The following RELL1 variants were observed in gnomAD, a reference collection of about 807,000 sequenced individuals.
RELL1 encodes RELT-like protein 1.
Under a neutral mutation model 23.0 loss-of-function variants are expected in RELL1, and 10 were observed. The ratio of observed to expected loss-of-function variants is 0.43; its 90% CI spans 0.27 to 0.74. The LOEUF (loss-of-function observed/expected upper bound fraction) is 0.74, where lower values mean the gene tolerates loss of function less well. RELL1 is among the 30% of genes least tolerant of loss of function. The pLI is 0.19. For synonymous variants in RELL1, 146 were observed against 146.8 expected (o/e 0.99, Z 0.04); for missense variants, 315 against 364.4 (o/e 0.86, Z 1.10).
At chr4:37,665,539 C>T (rs1721503224) in intron 1 of RELL1, among the ~76,000 whole-genome samples, 1 of 152,242 alleles carries the variant, frequency 6.6e-6, no homozygotes, top group Non-Finnish European at 1.5e-5. Context: ...CCAAAGGCTA[C>T]TGCCCAATTT....
intron 3 of RELL1, among the ~76,000 whole-genome samples, chr4:37,641,729 A>G (rs1156452318): frequency 1.3e-5 from 2 of 152,114 alleles, no homozygotes; most frequent in Non-Finnish European, 2.9e-5. Flanking sequence ...GGCAAGAAAA[A>G]TGTCTTCTGT....
chr4:37,672,445 T>C (rs1478499441), intron 1 of RELL1, among the ~76,000 whole-genome samples: 2 of 152,202 alleles, frequency 1.3e-5, no homozygotes, highest in Non-Finnish European at 2.9e-5. Flanking sequence ...TTACACCACA[T>C]TGACTCAAAG....
chr4:37,622,799 C>CT (rs763432060), intron 6 of RELL1: 29,611 of 385,664 alleles, frequency 0.077, 53 homozygotes, highest in South Asian at 0.12. Context: ...TCAAGTAATG[C>CT]TTTTTTTTTT....
rs1331822295 is a variant in RELL1, at chr4:37,611,259, T to TATTA, written c.*2083_*2086dup. On this transcript the variant is annotated 3_prime_UTR_variant, in exon 7 of 7. Transcript: ENST00000454158. ...AAATGATTAGCCTAGACTGCACATA[T>TATTA]ATTATTTACACTAATACATACCCCT... Among the ~76,000 whole-genome samples, 1 of 152,224 alleles carries TATTA rather than the reference T, an allele frequency of 6.6e-6. No homozygotes were observed. The highest frequency in any genetic ancestry group is 2.4e-5 in the African/African-American group (1 of 41,466).
At chr4:37,659,645 C>A (rs937950072) in intron 1 of RELL1, among the ~76,000 whole-genome samples, 1 of 152,178 alleles carries the variant, frequency 6.6e-6, no homozygotes, top group Non-Finnish European at 1.5e-5. Flanking sequence ...CTCCCTGGGC[C>A]TCAGTTTCCT....
intron 6 of RELL1, among the ~76,000 whole-genome samples, chr4:37,626,864 G>T (rs999533900): frequency 1.3e-5 from 2 of 149,518 alleles, no homozygotes; most frequent in Admixed American, 1.3e-4. Context: ...GAGAAGAAAG[G>T]TGGTTAGAGG....
At chr4:37,588,036 C>T (rs185986665), downstream of RELL1, 1 of 152,272 alleles carries the variant, frequency 6.6e-6, no homozygotes, top group East Asian at 1.9e-4. Flanking sequence ...AGAGATGCTT[C>T]CATACTCATT....
rs1388478968 is a variant in RELL1, at chr4:37,662,424, A to C, written c.89-12924T>G. On this transcript the variant is annotated intron_variant, in intron 1 of 6. Coordinates refer to ENST00000454158, the MANE Select transcript of RELL1 (RefSeq NM_001085400.2). Reference sequence around the variant, plus strand: ...CAGAAAGAAAAAGGACTTTATGCTGAGCCTCAACAGAATAACTGAATTTGG... The same window carrying C: ...CAGAAAGAAAAAGGACTTTATGCTGCGCCTCAACAGAATAACTGAATTTGG... Among the ~76,000 whole-genome samples the C allele has an allele frequency of 1.3e-5, 2 of 152,136 alleles. 1 individual carries two copies. Among genetic ancestry groups the C allele is most frequent in the Non-Finnish European group, 2.9e-5 (2 of 68,016 alleles).
At chr4:37,622,799 C>CGTT in intron 6 of RELL1, 2 of 391,420 alleles carry the variant, frequency 5.1e-6, no homozygotes, top group Non-Finnish European at 9.9e-6. Context: ...TCAAGTAATG[C>CGTT]TTTTTTTTTT....
downstream of RELL1, chr4:37,588,465 T>C (rs2109460099): frequency 6.0e-6 from 1 of 166,198 alleles, no homozygotes; most frequent in Non-Finnish European, 1.3e-5. Flanking sequence ...CTGCGTGCAG[T>C]GGGCCGTGCC....
chr4:37,622,312 A>G (rs1719795918), intron 6 of RELL1, among the ~76,000 whole-genome samples: 1 of 152,272 alleles, frequency 6.6e-6, no homozygotes, highest in Non-Finnish European at 1.5e-5. Flanking sequence ...TGCACAGCAT[A>G]ATCCTGAAAG....
intron 1 of RELL1, 85 bp downstream of exon 1, chr4:37,686,115 G>T: frequency 8.7e-7 from 1 of 1,146,946 alleles, no homozygotes; most frequent in Non-Finnish European, 1.2e-6. Flanking sequence ...GACGCCGCGG[G>T]GCTGCCGTCC....
At chr4:37,635,862 A>G (rs1171753520) in intron 4 of RELL1, among the ~76,000 whole-genome samples, 1 of 152,254 alleles carries the variant, frequency 6.6e-6, no homozygotes, top group Admixed American at 6.5e-5. Context: ...CCCAAATTCC[A>G]TCAAATTATC....
chr4:37,623,975 C>G (rs1204266482), intron 6 of RELL1, among the ~76,000 whole-genome samples: 1 of 152,194 alleles, frequency 6.6e-6, no homozygotes. Flanking sequence ...TCATCATTAA[C>G]TGCTTCCTGG....
chr4:37,590,343 C>T (rs758380758), downstream of RELL1: 20 of 1,613,500 alleles, frequency 1.2e-5, 1 homozygote, highest in Middle Eastern at 1.7e-4. Flanking sequence ...ACCATGCCTG[C>T]GGTGTCAACG....
chr4:37,586,771 G>C (rs558080178), downstream of RELL1, among the ~76,000 whole-genome samples: 1 of 152,160 alleles, frequency 6.6e-6, no homozygotes, highest in Non-Finnish European at 1.5e-5. Context: ...TTAGCTGGGC[G>C]TGTTGGCAGG....
chr4:37,657,098 C>T (rs948028249), intron 1 of RELL1, among the ~76,000 whole-genome samples: 2 of 152,152 alleles, frequency 1.3e-5, no homozygotes, highest in African/African-American at 4.8e-5. Flanking sequence ...GATTTTTTAA[C>T]CTTTCCCTTC....
Position 37,612,904 on chromosome 4 carries a change from G to A in RELL1, c.*442C>T, listed in dbSNP as rs977414678. 5 of 152,116 alleles carry A rather than the reference G, an allele frequency of 3.3e-5. No individual in the cohort carries two copies. Among genetic ancestry groups the A allele is most frequent in the Admixed American group, 3.3e-4 (5 of 15,266 alleles). 9.4% of individuals were successfully genotyped at this position (152,116 alleles called of 1,614,324 possible). The stretch of plus-strand genomic sequence containing the variant: ...CTTCTTACAACCAGTGTCAAAATAG[G>A]ATGCAGGAACTGGAAAAAGAAACAC... On this transcript the variant is annotated 3_prime_UTR_variant, in exon 7 of 7. Coordinates refer to ENST00000454158, the MANE Select transcript of RELL1 (RefSeq NM_001085400.2).
chr4:37,627,265 C>T (rs893821031), intron 6 of RELL1, among the ~76,000 whole-genome samples: 2 of 152,058 alleles, frequency 1.3e-5, no homozygotes, highest in South Asian at 2.1e-4. Flanking sequence ...CAAAAGAGGG[C>T]AGACTTCAGA....
Sources: allele counts gnomAD v4.1 joint callset (sites outside exome capture counted in the v4.1 genomes callset), GRCh38; gene constraint gnomAD v4.1.1; transcripts MANE v1.5; gene names NCBI Gene and HGNC (gene_info 2026-07-23, HGNC 2026-07-21).